SRGAP1: variants seen among roughly 807,000 people sequenced by gnomAD.
SRGAP1 encodes SLIT-ROBO Rho GTPase activating protein 1, also known as SLIT-ROBO Rho GTPase-activating protein 1.
Under a neutral mutation model 121.9 loss-of-function variants are expected in SRGAP1, and 43 were observed. That is an observed-to-expected ratio of 0.35 (90% CI 0.28 to 0.46). The LOEUF (loss-of-function observed/expected upper bound fraction) is 0.46. Among genes scored for constraint, SRGAP1 ranks in the 20% least tolerant of loss-of-function variants. The pLI is 1.00. For missense variants in SRGAP1, 1,102 were observed against 1,350.9 expected, an observed-to-expected ratio of 0.82 and a Z score of 2.89; for synonymous variants, 447 against 485.4, an observed-to-expected ratio of 0.92 and a Z score of 1.04.
chr12:64,047,516 A>G (rs1203245936), intron 6 of SRGAP1, among the ~76,000 whole-genome samples: 1 of 152,188 alleles, frequency 6.6e-6, no homozygotes, highest in Non-Finnish European at 1.5e-5. Context: ...AGTCAAGACA[A>G]CATTTTTAAT....
intron 1 of SRGAP1, among the ~76,000 whole-genome samples, chr12:63,868,534 T>G (rs975748910): frequency 1.3e-5 from 2 of 152,214 alleles, no homozygotes; most frequent in African/African-American, 4.8e-5. Flanking sequence ...CCTGGCTAAT[T>G]TTTTGTAGAG....
chr12:64,082,670 G>A lies in SRGAP1; in HGVS notation c.1408+2300G>A, dbSNP rs535472165. On this transcript the variant is annotated intron_variant, in intron 10 of 21. Transcript: ENST00000355086. ...TCACCATGTTGGCCAGGCTGGTCTC[G>A]AACTCCTGACCTCAGGATCCACCCA... is the stretch of plus-strand genomic sequence containing the variant. Among the ~76,000 whole-genome samples, 8 of 152,162 alleles carry A rather than the reference G, an allele frequency of 5.3e-5. No individual in the cohort carries two copies. The South Asian group carries it at 6.2e-4, about 12-fold the overall frequency.
intron 10 of SRGAP1, chr12:64,081,039 TGAGAATA>T (rs1277905042): frequency 6.5e-5 from 10 of 154,350 alleles, no homozygotes; most frequent in Non-Finnish European, 1.4e-4. Flanking sequence ...AGGGGAGGCA[TGAGAATA>T]CAGGCAAAGG....
At chr12:64,056,443 G>C (rs1029532461) in intron 6 of SRGAP1, among the ~76,000 whole-genome samples, 3 of 150,930 alleles carry the variant, frequency 2.0e-5, no homozygotes, top group African/African-American at 2.4e-5. Flanking sequence ...ATCCCAACTA[G>C]TTGGGAGGAT....
intron 4 of SRGAP1, among the ~76,000 whole-genome samples, chr12:64,025,885 G>T (rs912554478): frequency 6.6e-6 from 1 of 152,102 alleles, no homozygotes; most frequent in East Asian, 1.9e-4. Flanking sequence ...CAGAATGATC[G>T]GGATTAATAA....
chr12:64,052,054 TTGATGGTAATACAA>T (rs1283497117), intron 6 of SRGAP1, among the ~76,000 whole-genome samples: 1 of 152,214 alleles, frequency 6.6e-6, no homozygotes, highest in Non-Finnish European at 1.5e-5. Context: ...TTTATTGATA[TTGATGGTAATACAA>T]TGAAGAAAAT....
At chr12:64,017,821 GACTT>G (rs1157452410) in intron 4 of SRGAP1, among the ~76,000 whole-genome samples, 1 of 151,500 alleles carries the variant, frequency 6.6e-6, no homozygotes, top group Non-Finnish European at 1.5e-5. Context: ...TTGCTTTTGT[GACTT>G]ACATATTATT....
At chr12:63,911,313 A>G (rs1049922880) in intron 1 of SRGAP1, among the ~76,000 whole-genome samples, 23 of 151,810 alleles carry the variant, frequency 1.5e-4, no homozygotes, top group South Asian at 4.2e-4. Flanking sequence ...AAAAAAAAAA[A>G]AAAAGAAAAG....
intron 1 of SRGAP1, among the ~76,000 whole-genome samples, chr12:63,903,512 C>T (rs890753981): frequency 6.6e-6 from 1 of 151,826 alleles, no homozygotes; most frequent in African/African-American, 2.4e-5. Flanking sequence ...TCCCAAAGTG[C>T]TGGGATAACA....
chr12:64,065,494 G>A (rs1226782422), intron 8 of SRGAP1, among the ~76,000 whole-genome samples: 2 of 152,216 alleles, frequency 1.3e-5, no homozygotes, highest in East Asian at 1.9e-4. Context: ...AATAGTTCCC[G>A]TGGGTTATCA....
intron 11 of SRGAP1, 27 bp from the exon 12 acceptor site, chr12:64,091,249 C>A: frequency 1.4e-6 from 2 of 1,477,498 alleles, no homozygotes; most frequent in Non-Finnish European, 1.8e-6. Flanking sequence ...TTCTGCCATG[C>A]TCAGTAATTA....
chr12:63,942,319 G>A (rs1259862108), intron 1 of SRGAP1, among the ~76,000 whole-genome samples: 6 of 152,148 alleles, frequency 3.9e-5, no homozygotes, highest in African/African-American at 1.4e-4. Flanking sequence ...GATTTTCTAT[G>A]TAATTAAATT....
At chr12:64,034,442 CTA>C (rs1264716966) in intron 4 of SRGAP1, among the ~76,000 whole-genome samples, 1 of 152,142 alleles carries the variant, frequency 6.6e-6, no homozygotes, top group African/African-American at 2.4e-5. Context: ...AGGTGGTTCT[CTA>C]TAGCAGTGCA....
chr12:63,886,673 T>C (rs2136292038), intron 1 of SRGAP1, among the ~76,000 whole-genome samples: 1 of 152,166 alleles, frequency 6.6e-6, no homozygotes, highest in Admixed American at 6.5e-5. Context: ...GATTCTGCCA[T>C]GTTCCCCAGG....
At chr12:63,993,895 A>G (rs1016550954) in intron 3 of SRGAP1, among the ~76,000 whole-genome samples, 2 of 152,184 alleles carry the variant, frequency 1.3e-5, no homozygotes, top group African/African-American at 4.8e-5. Flanking sequence ...AAAAATAACA[A>G]TATTCAACTA....
At chr12:63,869,879 T>C (rs1294937432) in intron 1 of SRGAP1, among the ~76,000 whole-genome samples, 1 of 152,184 alleles carries the variant, frequency 6.6e-6, no homozygotes, top group Non-Finnish European at 1.5e-5. Context: ...AGTGTGTTCT[T>C]TTTTAAGAGA....
rs1033852279 is a variant in SRGAP1 at position 64,092,502 on chromosome 12, A to C, written c.1539+1124A>C. Among the ~76,000 whole-genome samples the C allele has an allele frequency of 2.1e-5, 3 of 140,984 alleles. No individual in the cohort carries two copies. The East Asian group carries it at 5.9e-4, about 28-fold the overall frequency. 92.5% of individuals were successfully genotyped at this position (140,984 alleles called of 152,430 possible). A position where few individuals can be genotyped will look rare whatever the true frequency, so the allele number is the denominator to read the frequency against. On this transcript the variant is annotated intron_variant, in intron 12 of 21. Coordinates refer to ENST00000355086, the MANE Select transcript of SRGAP1 (RefSeq NM_020762.4). Reference sequence around the variant, plus strand: ...CATACATACATACATACATACATACATATGTACATAGATTAAAAACCTCTG... The same window carrying C: ...CATACATACATACATACATACATACCTATGTACATAGATTAAAAACCTCTG...
chr12:63,913,478 G>GATATATATATATATATAT (rs143358798), intron 1 of SRGAP1, among the ~76,000 whole-genome samples: 2 of 130,992 alleles, frequency 1.5e-5, no homozygotes, highest in East Asian at 2.4e-4. Flanking sequence ...TATATATATG[G>GATATATATATATATATAT]ATATATATAT....
chr12:64,118,977 G>A (rs1331994651), intron 18 of SRGAP1, among the ~76,000 whole-genome samples: 3 of 152,158 alleles, frequency 2.0e-5, no homozygotes, highest in Non-Finnish European at 4.4e-5. Context: ...AAAGTGATGG[G>A]ATAACAGGCA....
Sources: allele counts gnomAD v4.1 joint callset (sites outside exome capture counted in the v4.1 genomes callset), GRCh38; gene constraint gnomAD v4.1.1; transcripts MANE v1.5; gene names NCBI Gene and HGNC (gene_info 2026-07-23, HGNC 2026-07-21).